PCDHA8: variants seen among roughly 807,000 people sequenced by gnomAD.
The protein encoded by PCDHA8 is protocadherin alpha-8.
Under a neutral mutation model 61.8 loss-of-function variants are expected in PCDHA8, and 53 were observed. That is an observed-to-expected ratio of 0.86 (90% CI 0.69 to 1.08). PCDHA8 has a LOEUF of 1.08. PCDHA8 is among the 50% of genes least tolerant of loss of function. The pLI is 0.00. For synonymous variants in PCDHA8, 618 were observed against 556.6 expected (o/e 1.11, Z -1.55); for missense variants, 1,293 against 1,245.0 (o/e 1.04, Z -0.58).
rs527281567 is a variant in PCDHA8 at position 140,992,060 on chromosome 5, A to T, written c.2542+9497A>T. Among the ~76,000 whole-genome samples the T allele has an allele frequency of 3.3e-3, 484 of 147,642 alleles. 5 individuals are homozygous for T. Among genetic ancestry groups the T allele is most frequent in the South Asian group, 0.015 (69 of 4,700 alleles). On this transcript the variant is annotated intron_variant, in intron 3 of 3. Transcript: ENST00000531613. The stretch of plus-strand genomic sequence containing the variant: ...GTGTGTGTGTGTGTGTGTGTAAGTT[A>T]ATTTCAGTAGAGAATGAGCTAGAGT...
intron 1 of PCDHA8, among the ~76,000 whole-genome samples, chr5:140,900,291 T>C (rs1397328670): frequency 6.6e-6 from 1 of 151,992 alleles, no homozygotes; most frequent in East Asian, 2.0e-4. Flanking sequence ...TTCTTTTCTG[T>C]TTTTTTAGAC....
chr5:140,980,734 T>C (rs2096903764), intron 2 of PCDHA8, among the ~76,000 whole-genome samples: 3 of 151,998 alleles, frequency 2.0e-5, no homozygotes, highest in African/African-American at 4.8e-5. Context: ...TAAGATATTA[T>C]GAGATTTGAG....
chr5:140,927,073 C>T (rs782173390), intron 1 of PCDHA8: 11 of 1,611,108 alleles, frequency 6.8e-6, no homozygotes, highest in Middle Eastern at 1.7e-4. Context: ...CCTTTCCAGC[C>T]ACCGCGAGCT....
intron 1 of PCDHA8, among the ~76,000 whole-genome samples, chr5:140,937,259 G>A (rs1306999153): frequency 1.3e-5 from 2 of 151,850 alleles, no homozygotes; most frequent in East Asian, 3.9e-4. Context: ...GGATGGTCTC[G>A]ATCTCCTGAC....
rs2150313013 is a variant in PCDHA8 at position 140,841,303 on chromosome 5, T to C, written c.-19T>C. The C allele has an allele frequency of 6.4e-7, 1 of 1,572,476 alleles. No individual in the cohort carries two copies. Among genetic ancestry groups the C allele is most frequent in the South Asian group, 1.2e-5 (1 of 85,138 alleles). ...TTTATATTAAGATAATATTTTCTGA[T>C]AGGAAACGACTATTTAACATGGATT... On this transcript the variant is annotated 5_prime_UTR_variant, in exon 1 of 4. Coordinates refer to ENST00000531613, the MANE Select transcript of PCDHA8 (RefSeq NM_018911.3).
rs1299546647 is a variant in PCDHA8 at position 140,935,314 on chromosome 5, A to T, written c.2395-43635A>T. 2.0e-5 allele frequency among the ~76,000 whole-genome samples: 3 copies of T among 152,208 alleles called. No homozygotes were observed. In the East Asian group the frequency reaches 5.8e-4, roughly 29 times the overall value. ...TCCGAGGTTTTTACTTAACTTCATC[A>T]ATCTTACATTCCTATTTCTCCCATA... On this transcript the variant is annotated intron_variant, in intron 1 of 3. Transcript: ENST00000531613.
At chr5:140,846,550 AT>A (rs1279691589) in intron 1 of PCDHA8, among the ~76,000 whole-genome samples, 1 of 147,284 alleles carries the variant, frequency 6.8e-6, no homozygotes, top group East Asian at 2.0e-4. Context: ...AATTTTTTGT[AT>A]TTTTAGTAGA....
At chr5:140,864,675 T>A (rs1331256646) in intron 1 of PCDHA8, 6 of 152,254 alleles carry the variant, frequency 3.9e-5, no homozygotes, top group African/African-American at 1.4e-4. Context: ...GTTGACTTAA[T>A]TGCTGCTGTC....
intron 1 of PCDHA8, chr5:140,966,476 C>T (rs1326063829): frequency 1.8e-5 from 8 of 432,854 alleles, no homozygotes; most frequent in Non-Finnish European, 2.8e-5. Flanking sequence ...CTTCTGTTTC[C>T]TTTTCCCTCC....
intron 1 of PCDHA8, among the ~76,000 whole-genome samples, chr5:140,881,608 C>T (rs1254695632): frequency 6.6e-6 from 1 of 152,154 alleles, no homozygotes; most frequent in Non-Finnish European, 1.5e-5. Flanking sequence ...ATATGATGTG[C>T]TTATTCAAAA....
At chr5:140,990,981 A>G (rs1554251870) in intron 3 of PCDHA8, among the ~76,000 whole-genome samples, 1 of 152,206 alleles carries the variant, frequency 6.6e-6, no homozygotes, top group Non-Finnish European at 1.5e-5. Context: ...AGAAAGGAAG[A>G]CAATAGCTAC....
At chr5:140,968,920 A>G (rs781931367) in intron 1 of PCDHA8, 1 of 1,614,120 alleles carries the variant, frequency 6.2e-7, no homozygotes, top group Admixed American at 1.7e-5. Flanking sequence ...TGTCTTTTAT[A>G]TTTCTTTTGA....
Position 140,993,460 on chromosome 5 carries a change from T to TCC in PCDHA8, c.2542+10898_2542+10899insCC, listed in dbSNP as rs1554253699. ...TTCATTCCTGTTCTCCTTCTTTCTT[T>TCC]CTCACACACACACACACACACACAC... On this transcript the variant is annotated intron_variant, in intron 3 of 3. Coordinates refer to ENST00000531613, the MANE Select transcript of PCDHA8 (RefSeq NM_018911.3). Among the ~76,000 whole-genome samples, 535 of 104,558 alleles carry TCC rather than the reference T, an allele frequency of 5.1e-3. 5 individuals carry two copies. Among genetic ancestry groups the TCC allele is most frequent in the African/African-American group, 0.02 (517 of 25,554 alleles). The allele number at this position is 104,558 out of a possible 152,430, so 68.6% of individuals were successfully genotyped here. A position where few individuals can be genotyped will look rare whatever the true frequency, so the allele number is the denominator to read the frequency against.
chr5:140,969,205 C>G (rs1046509500), intron 1 of PCDHA8: 6 of 1,614,130 alleles, frequency 3.7e-6, no homozygotes, highest in East Asian at 2.2e-5. Context: ...ATACAGGGGC[C>G]CAGACAGGAC....
At chr5:140,869,529 T>A in intron 1 of PCDHA8, 2 of 1,614,166 alleles carry the variant, frequency 1.2e-6, no homozygotes, top group Non-Finnish European at 1.7e-6. Flanking sequence ...AGCTGCTGAT[T>A]GCGGAATCTA....
At chr5:140,914,923 T>C (rs2076880546) in intron 1 of PCDHA8, among the ~76,000 whole-genome samples, 1 of 151,134 alleles carries the variant, frequency 6.6e-6, no homozygotes, top group Admixed American at 6.6e-5. Context: ...TGTCTTATTG[T>C]ACTATGTTGT....
chr5:140,842,903 C>A lies in PCDHA8; in HGVS notation c.1582C>A (p.Leu528Ile). The A allele has an allele frequency of 2.5e-6, 4 of 1,594,400 alleles. 1 individual carries two copies. The South Asian group carries it at 4.4e-5, about 18-fold the overall frequency. The change falls in exon 1 of 4, where the codon CTA becomes ATA. Residue 528 changes from leucine (L) to isoleucine (I), a missense_variant. Physicochemically the swap from Leu to Ile is conservative, Grantham distance 5. Transcript: ENST00000531613. ...YALQPLDHEE[L>I]ELLQFQVSAR... Reference sequence around the variant, plus strand: ...GCTGCAGCCGCTGGACCACGAGGAGCTAGAGCTGCTGCAGTTCCAGGTGAG... The same window carrying A: ...GCTGCAGCCGCTGGACCACGAGGAGATAGAGCTGCTGCAGTTCCAGGTGAG...
In PCDHA8 at chr5:140,884,156, G is replaced by C. The variant is rs1554181298; in HGVS notation, c.2394+40441G>C. 1 of 1,613,448 alleles carries C rather than the reference G, an allele frequency of 6.2e-7. No homozygotes were observed. Among genetic ancestry groups the C allele is most frequent in the Admixed American group, 1.7e-5 (1 of 60,012 alleles). On this transcript the variant is annotated intron_variant, in intron 1 of 3. Transcript: ENST00000531613. ...GTTCCGCGTGGGGCTGTACACTGGC[G>C]AGATCAGCACGACGCGCCCTCTGGA...
chr5:140,944,099 C>G (rs1585153302), intron 1 of PCDHA8, among the ~76,000 whole-genome samples: 1 of 152,264 alleles, frequency 6.6e-6, no homozygotes, highest in East Asian at 1.9e-4. Context: ...AAGTTTATAT[C>G]TCATGGGAAA....
Sources: allele counts gnomAD v4.1 joint callset (sites outside exome capture counted in the v4.1 genomes callset), GRCh38; gene constraint gnomAD v4.1.1; transcripts MANE v1.5; gene names NCBI Gene and HGNC (gene_info 2026-07-23, HGNC 2026-07-21).